Variants in KAT6B observed in about 807,000 individuals in gnomAD.
The protein encoded by KAT6B is lysine acetyltransferase 6B.
KAT6B carries 10 observed loss-of-function variants against 187.5 expected under a neutral mutation model. The observed-to-expected ratio is 0.05, with a 90% confidence interval of 0.03 to 0.09. KAT6B has a LOEUF of 0.09. KAT6B is among the 10% of genes least tolerant of loss of function. The pLI is 1.00. For missense variants in KAT6B, 1,952 were observed against 2,558.9 expected (o/e 0.76, Z 5.12); for synonymous variants, 861 against 926.8 (o/e 0.93, Z 1.29).
At chr10:74,949,321 A>G (rs1158084602) in intron 3 of KAT6B, among the ~76,000 whole-genome samples, 1 of 152,174 alleles carries the variant, frequency 6.6e-6, no homozygotes, top group Non-Finnish European at 1.5e-5. Flanking sequence ...CTGTCCAGAT[A>G]AGAAACTGAA....
chr10:74,883,252 C>T (rs894173123), intron 3 of KAT6B, among the ~76,000 whole-genome samples: 2 of 152,204 alleles, frequency 1.3e-5, no homozygotes, highest in South Asian at 4.1e-4. Context: ...TTCTGCTTGC[C>T]GCTGTCTGAG....
chr10:74,917,392 T>TTCCAGGATCCCA (rs1352223666), intron 3 of KAT6B, among the ~76,000 whole-genome samples: 3 of 152,212 alleles, frequency 2.0e-5, no homozygotes, highest in South Asian at 2.1e-4. Flanking sequence ...TTTTTCTCTG[T>TTCCAGGATCCCA]TCCAGGATCC....
chr10:74,957,056 A>AC (rs1462910459), intron 3 of KAT6B, among the ~76,000 whole-genome samples: 1 of 152,190 alleles, frequency 6.6e-6, no homozygotes, highest in African/African-American at 2.4e-5. Flanking sequence ...ATTTACTCAG[A>AC]CCTTTTTCTG....
chr10:74,842,878 A>G lies in KAT6B; in HGVS notation c.21A>G (p.Pro7=), dbSNP rs1841844960. 1.2e-6 allele frequency: 2 copies of G among 1,614,230 alleles called. No individual in the cohort carries two copies. The highest frequency in any genetic ancestry group is 2.7e-5 in the African/African-American group (2 of 75,072). MVKLAN[P]LYTEWILEAI... Reference sequence around the variant, plus strand: ...CAACCATGGTAAAACTTGCAAACCCACTTTATACAGAGTGGATTCTTGAAG... The same window carrying G: ...CAACCATGGTAAAACTTGCAAACCCGCTTTATACAGAGTGGATTCTTGAAG... The change falls in exon 3 of 18, where the codon CCA becomes CCG. Residue 7 remains proline (P), a synonymous_variant. Transcript: ENST00000287239.
chr10:74,940,667 A>T (rs984504240), intron 3 of KAT6B, among the ~76,000 whole-genome samples: 1 of 151,844 alleles, frequency 6.6e-6, no homozygotes, highest in Admixed American at 6.6e-5. Flanking sequence ...TGTAACTTCA[A>T]AATTCTGGGC....
chr10:75,023,290 T>C (rs1007608772), intron 16 of KAT6B, among the ~76,000 whole-genome samples: 1 of 152,192 alleles, frequency 6.6e-6, no homozygotes, highest in African/African-American at 2.4e-5. Context: ...GTGGCATCTG[T>C]TAGGGAACTT....
At chr10:74,845,516 T>C in intron 3 of KAT6B, among the ~76,000 whole-genome samples, 1 of 119,252 alleles carries the variant, frequency 8.4e-6, no homozygotes, top group Admixed American at 8.9e-5. Context: ...AGCGAGACTC[T>C]GTCTCAAAAA....
At chr10:74,961,066 G>C (rs1330906400) in intron 4 of KAT6B, among the ~76,000 whole-genome samples, 3 of 152,084 alleles carry the variant, frequency 2.0e-5, no homozygotes, top group Non-Finnish European at 2.9e-5. Context: ...GGAGAGCCTT[G>C]GAAATAAGAC....
chr10:74,956,982 G>A (rs1840733542), intron 3 of KAT6B, among the ~76,000 whole-genome samples: 1 of 152,158 alleles, frequency 6.6e-6, no homozygotes, highest in Non-Finnish European at 1.5e-5. Context: ...GAGATTTTTG[G>A]TATCATTTTC....
At chr10:74,889,053 T>C (rs1845480587) in intron 3 of KAT6B, among the ~76,000 whole-genome samples, 1 of 152,174 alleles carries the variant, frequency 6.6e-6, no homozygotes, top group Admixed American at 6.5e-5. Flanking sequence ...TGGTGAAGCA[T>C]AGTGCACATT....
chr10:74,853,770 G>A (rs1381505066), intron 3 of KAT6B, among the ~76,000 whole-genome samples: 1 of 151,806 alleles, frequency 6.6e-6, no homozygotes, highest in Non-Finnish European at 1.5e-5. Flanking sequence ...TGGGATTACA[G>A]GCATGTGCCA....
At chr10:74,965,557 T>G (rs1841401720) in intron 4 of KAT6B, among the ~76,000 whole-genome samples, 1 of 152,194 alleles carries the variant, frequency 6.6e-6, no homozygotes, top group Admixed American at 6.5e-5. Flanking sequence ...TGAGTCGTTA[T>G]TAGTTTTCCA....
chr10:74,907,048 T>G (rs933396648), intron 3 of KAT6B, among the ~76,000 whole-genome samples: 1 of 152,368 alleles, frequency 6.6e-6, no homozygotes, highest in Middle Eastern at 3.4e-3. Context: ...AGACGTCAGT[T>G]GAGATTCCAC....
At chr10:74,956,201 A>C (rs538501467) in intron 3 of KAT6B, among the ~76,000 whole-genome samples, 15 of 152,316 alleles carry the variant, frequency 9.8e-5, no homozygotes, top group Non-Finnish European at 1.5e-4. Context: ...GTTACAGAGA[A>C]TATCCCCCAA....
intron 17 of KAT6B, among the ~76,000 whole-genome samples, chr10:75,026,560 C>T (rs1845851606): frequency 6.6e-6 from 1 of 151,746 alleles, no homozygotes; most frequent in African/African-American, 2.4e-5. Context: ...GCTATTCCTG[C>T]ATACAGTATT....
At chr10:74,940,980 G>A (rs191661793) in intron 3 of KAT6B, among the ~76,000 whole-genome samples, 9 of 152,312 alleles carry the variant, frequency 5.9e-5, no homozygotes, top group East Asian at 5.8e-4. Context: ...AGATTCCTAA[G>A]TTAATCCCAG....
intron 17 of KAT6B, among the ~76,000 whole-genome samples, chr10:75,026,458 C>T (rs1288189136): frequency 6.6e-6 from 1 of 152,130 alleles, no homozygotes; most frequent in Non-Finnish European, 1.5e-5. Context: ...ATCTCATTTC[C>T]CTGGGAACCA....
chr10:74,892,641 G>A (rs1019742553), intron 3 of KAT6B, among the ~76,000 whole-genome samples: 1 of 152,056 alleles, frequency 6.6e-6, no homozygotes, highest in Non-Finnish European at 1.5e-5. Flanking sequence ...GGGGAGGTGG[G>A]GGTTTCTCCT....
At chr10:74,828,552 C>A in intron 1 of KAT6B, among the ~76,000 whole-genome samples, 2 of 145,052 alleles carry the variant, frequency 1.4e-5, no homozygotes. Flanking sequence ...TTTTTTCTTA[C>A]TCATAAGTTC....
Sources: allele counts gnomAD v4.1 joint callset (sites outside exome capture counted in the v4.1 genomes callset), GRCh38; gene constraint gnomAD v4.1.1; transcripts MANE v1.5; gene names NCBI Gene and HGNC (gene_info 2026-07-23, HGNC 2026-07-21).